Variants in RNF213 observed in about 807,000 individuals in gnomAD.
RNF213 encodes the protein ring finger protein 213.
Under a neutral mutation model 514.4 loss-of-function variants are expected in RNF213, and 341 were observed. That is an observed-to-expected ratio of 0.66 (90% CI 0.61 to 0.73). RNF213 has a LOEUF of 0.73. RNF213 is among the 30% of genes least tolerant of loss of function. The pLI, the probability that RNF213 is intolerant of heterozygous loss-of-function variation, is 0.00. For missense variants in RNF213, 5,767 were observed against 6,615.6 expected, an observed-to-expected ratio of 0.87 and a Z score of 4.45; for synonymous variants, 2,655 against 2,658.2, an observed-to-expected ratio of 1.00 and a Z score of 0.04.
At chr17:80,387,924 A>G (rs115516184) in intron 63 of RNF213, among the ~76,000 whole-genome samples, 3,589 of 150,332 alleles carry the variant, frequency 0.024, 149 homozygotes, top group African/African-American at 0.083. Flanking sequence ...ACCACCCGCA[A>G]CTGGGCCAGG....
At chr17:80,299,038 C>T (rs183705931) in intron 11 of RNF213, among the ~76,000 whole-genome samples, 9 of 152,138 alleles carry the variant, frequency 5.9e-5, no homozygotes, top group Non-Finnish European at 7.4e-5. Flanking sequence ...CAGAGGCAGC[C>T]GTTGTTAGCA....
In RNF213 at chr17:80,355,633, ACAGGGGAAGAAGCGGGG is replaced by A. The variant is rs1568123525; in HGVS notation, c.10862+1058_10862+1074del. On this transcript the variant is annotated intron_variant, in intron 36 of 67. Transcript: ENST00000582970. Reference sequence around the variant, plus strand: ...GCGGGGTGAGTGGGAATGGGGGCTTACAGGGGAAGAAGCGGGGTGGACGGGAATGGGGGCTTACAGGG... The same window carrying A: ...GCGGGGTGAGTGGGAATGGGGGCTTATGGACGGGAATGGGGGCTTACAGGG... Among the ~76,000 whole-genome samples the A allele has an allele frequency of 8.2e-4, 32 of 39,242 alleles. 4 individuals carry two copies. The highest frequency in any genetic ancestry group is 2.4e-3 in the African/African-American group (23 of 9,604). The allele number at this position is 39,242 out of a possible 152,430, so 25.7% of individuals were successfully genotyped here.
rs1290984297 is a variant in RNF213, at chr17:80,367,840, C to T, written c.11964C>T (p.Thr3988=). 1 of 1,614,212 alleles carries T rather than the reference C, an allele frequency of 6.2e-7. No individual in the cohort carries two copies. Among genetic ancestry groups the T allele is most frequent in the Admixed American group, 1.7e-5 (1 of 60,032 alleles). The change falls in exon 43 of 68, where the codon ACC becomes ACT. Residue 3988 remains threonine (T), a synonymous_variant. Transcript: ENST00000582970. ...AATGCAAGGAGACAGCCAGCAAGAC[C>T]CTCAGCAGGTGAGACCTTAGGTTTG... The part of the protein sequence containing the change: ...LCECKETASK[T]LSRFGIQPCS...
intron 14 of RNF213, among the ~76,000 whole-genome samples, chr17:80,310,662 C>G (rs992073783): frequency 1.3e-5 from 2 of 152,134 alleles, no homozygotes; most frequent in African/African-American, 2.4e-5. Context: ...AAGTGATTCT[C>G]CTGCCTCAGC....
intron 42 of RNF213, 27 bp downstream of exon 42, chr17:80,364,580 A>T: frequency 1.9e-6 from 3 of 1,614,076 alleles, no homozygotes; most frequent in Middle Eastern, 1.6e-4. Context: ...GCCTCAGCAC[A>T]TGCACGGATC....
At chr17:80,334,943 C>T (rs546474496) in intron 22 of RNF213, among the ~76,000 whole-genome samples, 8 of 141,480 alleles carry the variant, frequency 5.7e-5, no homozygotes, top group Admixed American at 3.6e-4. Flanking sequence ...TTTTTTGAGA[C>T]GGAGTTTCGC....
intron 37 of RNF213, 26 bp from the exon 38 acceptor site, chr17:80,360,033 CTT>C (rs773799645): frequency 5.8e-5 from 94 of 1,613,104 alleles, no homozygotes; most frequent in Admixed American, 1.7e-5. Flanking sequence ...CACAAACCCT[CTT>C]CTTATCATCC....
In RNF213 at chr17:80,295,540, T is replaced by A. The variant is rs374072954; in HGVS notation, c.1756-17T>A. On this transcript the variant is annotated splice_polypyrimidine_tract_variant and intron_variant, in intron 9 of 67. Coordinates refer to ENST00000582970, the MANE Select transcript of RNF213 (RefSeq NM_001256071.3). ...CAAGTCCATGGTTCATGCATCTTCC[T>A]CTTCTCCCACCATCAGGTGAAGAGA... 2.2e-4 allele frequency: 352 copies of A among 1,614,042 alleles called. 3 individuals are homozygous for A. In the South Asian group the frequency reaches 3.4e-3, roughly 15 times the overall value.
chr17:80,374,524 C>T lies in RNF213; in HGVS notation c.13009C>T (p.Leu4337Phe). 1.9e-6 allele frequency: 3 copies of T among 1,614,234 alleles called. No homozygotes were observed. Among genetic ancestry groups the T allele is most frequent in the Non-Finnish European group, 2.5e-6 (3 of 1,180,050 alleles). ...YLVYGDEYKA[L>F]RDAVAKAVLE... Reference sequence around the variant, plus strand: ...GGTGTACGGCGATGAATACAAGGCTCTCCGTGATGCTGTGGCCAAAGCTGT... The same window carrying T: ...GGTGTACGGCGATGAATACAAGGCTTTCCGTGATGCTGTGGCCAAAGCTGT... Residue 4337 changes from leucine to phenylalanine, a missense_variant, in exon 50 of 68, where the codon CTC becomes TTC. Physicochemically the swap from Leu to Phe is conservative, Grantham distance 22 (BLOSUM62 0). Around this residue, in one of 13 missense-constraint regions of RNF213, gnomAD observed 1,245 missense variants for 1,339.0 expected, o/e 0.93. Transcript: ENST00000582970.
At chr17:80,355,676 G>GAAGAAGCGAC (rs1307952924) in intron 36 of RNF213, among the ~76,000 whole-genome samples, 3 of 55,334 alleles carry the variant, frequency 5.4e-5, no homozygotes, top group African/African-American at 2.1e-4. Flanking sequence ...GCTTACAGGG[G>GAAGAAGCGAC]GAAGAAGCGG....
chr17:80,369,774 G>A lies in RNF213; in HGVS notation c.12332G>A (p.Cys4111Tyr), dbSNP rs781324421. 58 of 1,613,556 alleles carry A rather than the reference G, an allele frequency of 3.6e-5. No individual in the cohort carries two copies. Among genetic ancestry groups the A allele is most frequent in the Non-Finnish European group, 4.7e-5 (55 of 1,179,622 alleles). The change falls in exon 46 of 68, where the codon TGT becomes TAT. Residue 4111 changes from cysteine (C) to tyrosine (Y), a missense_variant. Transcript: ENST00000582970. The part of the protein sequence containing the change: ...GRLRDAAQRH[C>Y]EHTKSLSPFN... ...TTTTTCTTTCTGGTTTAAGGACACTGTGAACACACAAAATCTCTCTCTCCA... is the reference window on the plus strand; with the variant it reads ...TTTTTCTTTCTGGTTTAAGGACACTATGAACACACAAAATCTCTCTCTCCA...
At position 80,345,484 on chromosome 17, in the gene RNF213, C is replaced by T. The variant is rs1568102561; in HGVS notation, c.7149C>T (p.Ile2383=). 6.2e-7 allele frequency: 1 copy of T among 1,609,614 alleles called. No individual in the cohort carries two copies. Residue 2383 remains isoleucine, a synonymous_variant, in exon 29 of 68, where the codon ATC becomes ATT. Transcript: ENST00000582970. The surrounding 1 kb of genome is among the most constrained non-coding windows in gnomAD (Gnocchi z 6.0). The part of the protein sequence containing the change: ...KLERLCLTLG[I]PQATDPDKTY... ...AGAGGCTCTGCCTGACCTTAGGGATCCCCCAGGCCACCGACCCCGACAAAA... is the reference window on the plus strand; with the variant it reads ...AGAGGCTCTGCCTGACCTTAGGGATTCCCCAGGCCACCGACCCCGACAAAA...
At chr17:80,344,524 T>C (rs1238549625) in intron 28 of RNF213, among the ~76,000 whole-genome samples, 154 bp from the exon 29 acceptor site, 1 of 152,210 alleles carries the variant, frequency 6.6e-6, no homozygotes, top group Non-Finnish European at 1.5e-5. Flanking sequence ...GCAAAAGATA[T>C]GCTGTGGAAA....
At chr17:80,290,518 G>A in intron 6 of RNF213, 52 bp from the exon 7 acceptor site, 1 of 1,610,236 alleles carries the variant, frequency 6.2e-7, no homozygotes, top group Non-Finnish European at 8.5e-7. Flanking sequence ...CATGCACATG[G>A]CAGGTGGACA....
chr17:80,260,956 G>A (rs1476224893), intron 1 of RNF213, 54 bp downstream of exon 1: 1 of 151,600 alleles, frequency 6.6e-6, no homozygotes, highest in Non-Finnish European at 1.5e-5. Flanking sequence ...AGGATACAGT[G>A]GGCCCCGCGG....
intron 10 of RNF213, 28 bp downstream of exon 10, chr17:80,295,841 T>C (rs753471278): frequency 6.2e-7 from 1 of 1,612,102 alleles, no homozygotes; most frequent in Non-Finnish European, 8.5e-7. Context: ...CAAAATGTTT[T>C]TTATAGCTAT....
intron 59 of RNF213, among the ~76,000 whole-genome samples, chr17:80,384,150 G>A (rs1196961184): frequency 2.0e-5 from 3 of 152,334 alleles, no homozygotes; most frequent in East Asian, 1.9e-4. Context: ...ACACACCCAC[G>A]TTGGGATTAG....
chr17:80,270,509 C>A (rs535025919), intron 2 of RNF213, among the ~76,000 whole-genome samples: 28 of 152,350 alleles, frequency 1.8e-4, no homozygotes, highest in African/African-American at 4.3e-4. Flanking sequence ...TATTCAGATT[C>A]TCTCCAGCGT....
At chr17:80,326,954 A>G (rs2046296322) in intron 18 of RNF213, among the ~76,000 whole-genome samples, 1 of 152,264 alleles carries the variant, frequency 6.6e-6, no homozygotes, top group Non-Finnish European at 1.5e-5. Flanking sequence ...TAAACAAAAC[A>G]TGTATAAAAA....
Sources: gnomAD v4.1 joint callset for allele counts (sites outside exome capture counted in the v4.1 genomes callset) on GRCh38, gnomAD v4.1.1 for gene constraint, gnomAD v4.1.1 regional missense constraint, Gnocchi (gnomAD v3.1) non-coding constraint, MANE v1.5 for transcripts, NCBI Gene and HGNC (gene_info 2026-07-23, HGNC 2026-07-21) for gene names.